The following PRIM2 variants were observed in gnomAD, a reference collection of about 807,000 sequenced individuals.
PRIM2 encodes DNA primase subunit 2.
In PRIM2, 39 loss-of-function variants were observed where a neutral mutation model predicts 67.3. That is an observed-to-expected ratio of 0.58 (90% confidence interval 0.45 to 0.76). The LOEUF (loss-of-function observed/expected upper bound fraction) is 0.76, where lower values mean the gene tolerates loss of function less well. PRIM2 is among the 30% of genes least tolerant of loss of function. The pLI, the probability that PRIM2 is intolerant of heterozygous loss-of-function variation, is 0.00. For missense variants in PRIM2, 398 were observed against 598.7 expected (o/e 0.66, Z 3.50); for synonymous variants, 143 against 198.7 (o/e 0.72, Z 2.36).
At chr6:57,580,955 G>GA (rs1323619778) in intron 10 of PRIM2, among the ~76,000 whole-genome samples, 19,582 of 149,432 alleles carry the variant, frequency 0.13, 1,965 homozygotes, top group African/African-American at 0.28. Context: ...AACTATGAAA[G>GA]AAAAAAAAAT....
intron 7 of PRIM2, among the ~76,000 whole-genome samples, chr6:57,448,143 A>G (rs1772424974): frequency 6.6e-6 from 1 of 152,216 alleles, no homozygotes; most frequent in African/African-American, 2.4e-5. Context: ...TATTAAGACA[A>G]TGTTGTATAG....
intron 5 of PRIM2, among the ~76,000 whole-genome samples, chr6:57,360,211 G>C (rs950197824): frequency 6.6e-6 from 1 of 152,120 alleles, no homozygotes; most frequent in Non-Finnish European, 1.5e-5. Flanking sequence ...AGGTGCTATG[G>C]GGGATTTAAA....
intron 7 of PRIM2, among the ~76,000 whole-genome samples, chr6:57,397,895 A>G (rs200821552): frequency 1.0e-5 from 1 of 98,796 alleles, no homozygotes; most frequent in Admixed American, 9.7e-5. Flanking sequence ...AGATCTTTCT[A>G]ATTTTTTTTT....
intron 10 of PRIM2, among the ~76,000 whole-genome samples, chr6:57,539,467 A>G (rs1421210599): frequency 2.6e-5 from 4 of 152,112 alleles, no homozygotes; most frequent in African/African-American, 9.7e-5. Context: ...GGTTGTGTCT[A>G]ATTTGACTCT....
Position 57,468,442 on chromosome 6 carries a change from C to T in PRIM2, c.694-38945C>T, listed in dbSNP as rs1195750023. Among the ~76,000 whole-genome samples, 19 of 152,168 alleles carry T rather than the reference C, an allele frequency of 1.2e-4. No homozygotes were observed. In the South Asian group the frequency reaches 2.7e-3, roughly 22 times the overall value. Reference sequence around the variant, plus strand: ...GTGATGGATTACGTTTATTGATTTTCGTGTGTTGAACCAGCCTTGCATCCC... The same window carrying T: ...GTGATGGATTACGTTTATTGATTTTTGTGTGTTGAACCAGCCTTGCATCCC... On this transcript the variant is annotated intron_variant, in intron 7 of 13. Coordinates refer to ENST00000615550, the MANE Select transcript of PRIM2 (RefSeq NM_000947.5).
chr6:57,247,611 T>A, the PRIM2 span, among the ~76,000 whole-genome samples: 18 of 152,186 alleles, frequency 1.2e-4, no homozygotes, highest in Admixed American at 1.2e-3. Flanking sequence ...GCAGAAGAGA[T>A]GCAAATGTTC....
intron 7 of PRIM2, among the ~76,000 whole-genome samples, chr6:57,457,226 T>C (rs1772824523): frequency 6.6e-6 from 1 of 152,244 alleles, no homozygotes; most frequent in Admixed American, 6.5e-5. Flanking sequence ...GTGAGGCTAC[T>C]TGGGGGTCAG....
At chr6:57,487,246 A>G (rs1253714207) in intron 7 of PRIM2, among the ~76,000 whole-genome samples, 1 of 152,164 alleles carries the variant, frequency 6.6e-6, no homozygotes, top group African/African-American at 2.4e-5. Context: ...AAAGATGGAC[A>G]AGAAGATGGA....
intron 10 of PRIM2, among the ~76,000 whole-genome samples, chr6:57,557,434 G>A (rs1453330321): frequency 6.6e-6 from 1 of 152,162 alleles, no homozygotes; most frequent in Non-Finnish European, 1.5e-5. Context: ...ATACTCTTCA[G>A]CCATAAAAAA....
At chr6:57,592,321 T>A (rs1751448134) in intron 10 of PRIM2, among the ~76,000 whole-genome samples, 2 of 152,208 alleles carry the variant, frequency 1.3e-5, no homozygotes, top group South Asian at 2.1e-4. Context: ...AAATTAAAAA[T>A]TTTTAAATGC....
At chr6:57,571,847 A>G (rs1416294873) in intron 10 of PRIM2, among the ~76,000 whole-genome samples, 1 of 152,228 alleles carries the variant, frequency 6.6e-6, no homozygotes, top group African/African-American at 2.4e-5. Context: ...TTTCTAGTGG[A>G]TGACAGAAAA....
intron 7 of PRIM2, among the ~76,000 whole-genome samples, chr6:57,393,711 G>A (rs983169554): frequency 1.3e-5 from 2 of 151,844 alleles, no homozygotes; most frequent in South Asian, 2.1e-4. Flanking sequence ...TTTGCTTTTC[G>A]GTTCTTGGTC....
At chr6:57,582,704 G>A (rs1776118010) in intron 10 of PRIM2, among the ~76,000 whole-genome samples, 1 of 152,064 alleles carries the variant, frequency 6.6e-6, no homozygotes, top group South Asian at 2.1e-4. Flanking sequence ...GAAGCAGCCT[G>A]TAGTTGAATG....
chr6:57,337,457 G>T (rs1768296307), intron 5 of PRIM2, among the ~76,000 whole-genome samples: 1 of 151,188 alleles, frequency 6.6e-6, no homozygotes, highest in South Asian at 2.1e-4. Flanking sequence ...CACATACTTG[G>T]AAGTAAAGCT....
At chr6:57,488,484 A>C (rs1291650425) in intron 7 of PRIM2, among the ~76,000 whole-genome samples, 2 of 152,226 alleles carry the variant, frequency 1.3e-5, no homozygotes, top group African/African-American at 4.8e-5. Flanking sequence ...AATTAGTTCA[A>C]AAGTAGAATG....
At chr6:57,282,566 T>C in the PRIM2 span, among the ~76,000 whole-genome samples, 1 of 152,202 alleles carries the variant, frequency 6.6e-6, no homozygotes, top group South Asian at 2.1e-4. Flanking sequence ...TAACTCCCAG[T>C]ACCTCAGAAT....
the PRIM2 span, among the ~76,000 whole-genome samples, chr6:57,244,676 G>T: frequency 0.07 from 10,642 of 151,794 alleles, 440 homozygotes; most frequent in Non-Finnish European, 0.1. Flanking sequence ...CAGGAGAATC[G>T]CTTGAACCCG....
At chr6:57,247,947 A>G in the PRIM2 span, among the ~76,000 whole-genome samples, 1 of 152,238 alleles carries the variant, frequency 6.6e-6, no homozygotes, top group Non-Finnish European at 1.5e-5. Flanking sequence ...TGAGTACAGT[A>G]TATTAGTTAA....
intron 5 of PRIM2, among the ~76,000 whole-genome samples, chr6:57,341,126 G>A (rs72870430): frequency 1.4e-4 from 21 of 152,110 alleles, no homozygotes; most frequent in Admixed American, 3.9e-4. Flanking sequence ...ATATCCGTAT[G>A]TATACATCCC....
Sources: allele counts gnomAD v4.1 joint callset (sites outside exome capture counted in the v4.1 genomes callset), GRCh38; gene constraint gnomAD v4.1.1; transcripts MANE v1.5; gene names NCBI Gene and HGNC (gene_info 2026-07-23, HGNC 2026-07-21).